CES1: variants seen among roughly 807,000 people sequenced by gnomAD.
The protein encoded by CES1 is carboxylesterase 1.
Under a neutral mutation model 53.0 loss-of-function variants are expected in CES1, and 50 were observed. That is an observed-to-expected ratio of 0.94 (90% CI 0.75 to 1.19). The LOEUF (loss-of-function observed/expected upper bound fraction) is 1.19, where lower values mean the gene tolerates loss of function less well. CES1 is among the 50% of genes most tolerant of loss of function. The pLI is 0.00. For missense variants in CES1, 534 were observed against 538.0 expected, an observed-to-expected ratio of 0.99 and a Z score of 0.07; for synonymous variants, 202 against 210.1, an observed-to-expected ratio of 0.96 and a Z score of 0.33.
At chr16:55,812,860 A>G in intron 9 of CES1, 43 bp downstream of exon 9, 2 of 1,612,768 alleles carry the variant, frequency 1.2e-6, no homozygotes, top group Non-Finnish European at 1.7e-6. Context: ...AGGAGGGCTG[A>G]TGGGGGTGGT....
Position 55,811,025 on chromosome 16 carries a change from A to AG in CES1, c.1087-16_1087-15insC. The AG allele has an allele frequency of 6.3e-7, 1 of 1,596,862 alleles. No individual in the cohort carries two copies. The highest frequency in any genetic ancestry group is 8.6e-7 in the Non-Finnish European group (1 of 1,165,086). Reference sequence around the variant, plus strand: ...CTCATCAACTGCTAAAAAAAAAAAAAAGTTCAGCATTTATGAATCATTGGG... The same window carrying AG: ...CTCATCAACTGCTAAAAAAAAAAAAAGAGTTCAGCATTTATGAATCATTGGG... On this transcript the variant is annotated splice_polypyrimidine_tract_variant and intron_variant, in intron 9 of 13. Transcript: ENST00000360526.
intron 6 of CES1, chr16:55,819,991 A>G (rs1009852928): frequency 1.9e-6 from 1 of 540,526 alleles, no homozygotes; most frequent in African/African-American, 1.9e-5. Context: ...TGTTCCACTT[A>G]CCAGCCATTA....
At chr16:55,817,375 T>C (rs554854857) in intron 7 of CES1, among the ~76,000 whole-genome samples, 4 of 152,296 alleles carry the variant, frequency 2.6e-5, no homozygotes, top group African/African-American at 4.8e-5. Flanking sequence ...CCTGAAGCCA[T>C]CAACTCCTGA....
In CES1 at chr16:55,833,089, G is replaced by C; in HGVS notation, c.-34C>G. On this transcript the variant is annotated 5_prime_UTR_variant, in exon 1 of 14. Transcript: ENST00000360526. ...GGCGACAGTTCTCGGGGCCTGCGAG[G>C]TCTCTGTGCAGTTCAGAGGGACTGT... is the stretch of plus-strand genomic sequence containing the variant. 1 of 1,534,174 alleles carries C rather than the reference G, an allele frequency of 6.5e-7. No individual in the cohort carries two copies. The highest frequency in any genetic ancestry group is 9.0e-7 in the Non-Finnish European group (1 of 1,113,472).
chr16:55,817,393 A>T (rs1280680985), intron 7 of CES1, among the ~76,000 whole-genome samples: 1 of 152,156 alleles, frequency 6.6e-6, no homozygotes, highest in Non-Finnish European at 1.5e-5. Flanking sequence ...TGAGATTTTC[A>T]GTTTACACGA....
intron 8 of CES1, 21 bp from the exon 9 acceptor site, chr16:55,813,064 C>G (rs777098769): frequency 5.6e-6 from 9 of 1,613,586 alleles, no homozygotes; most frequent in South Asian, 1.1e-5. Flanking sequence ...AGCAGTGCAG[C>G]ACCTGTGATT....
intron 8 of CES1, among the ~76,000 whole-genome samples, chr16:55,814,224 C>G (rs1445709540): frequency 2.0e-5 from 3 of 152,216 alleles, no homozygotes; most frequent in Non-Finnish European, 4.4e-5. Flanking sequence ...GTGATTAACT[C>G]ACAGTATATT....
chr16:55,819,470 C>G, intron 7 of CES1, 65 bp downstream of exon 7: 1 of 1,184,010 alleles, frequency 8.4e-7, no homozygotes, highest in South Asian at 1.2e-5. Context: ...GGCAAGAGGA[C>G]AGCTGAAATG....
chr16:55,826,275 G>T lies in CES1; in HGVS notation c.281C>A (p.Ala94Glu). 6.2e-7 allele frequency: 1 copy of T among 1,613,954 alleles called. No individual in the cohort carries two copies. Among genetic ancestry groups the T allele is most frequent in the Non-Finnish European group, 8.5e-7 (1 of 1,179,858 alleles). Reference sequence around the variant, plus strand: ...AAATAGCTCTGAGAGTAACTGCCCCGCCTTGGGATCTTGGGTGCACCTGGG... The same window carrying T: ...AAATAGCTCTGAGAGTAACTGCCCCTCCTTGGGATCTTGGGTGCACCTGGG... ...YPPMCTQDPK[A>E]GQLLSELFTN... The change falls in exon 3 of 14, where the codon GCG becomes GAG. Residue 94 changes from alanine (A) to glutamate (E), a missense_variant. Transcript: ENST00000360526.
chr16:55,818,745 T>C (rs1363691373), intron 7 of CES1, among the ~76,000 whole-genome samples: 5 of 151,912 alleles, frequency 3.3e-5, no homozygotes, highest in South Asian at 2.1e-4. Context: ...TTAGCATGGA[T>C]GGATGGATGG....
rs1359624144 is a variant in CES1, at chr16:55,820,384, C to T, written c.789G>A (p.Lys263=). Residue 263 remains lysine (K), a synonymous_variant, in exon 6 of 14, where the codon AAG becomes AAA. Coordinates refer to ENST00000360526, the MANE Select transcript of CES1 (RefSeq NM_001025195.2). ...TSVLVKKGDV[K]PLAEQIAITA... ...GCCGGAGACCTACCTCAGCCAAGGGCTTGACATCACCTTTCTTCACCAGAA... is the reference window on the plus strand; with the variant it reads ...GCCGGAGACCTACCTCAGCCAAGGGTTTGACATCACCTTTCTTCACCAGAA... The T allele has an allele frequency of 5.0e-6, 8 of 1,584,556 alleles. No homozygotes were observed. Among genetic ancestry groups the T allele is most frequent in the Non-Finnish European group, 6.9e-6 (8 of 1,158,670 alleles).
chr16:55,821,074 A>AGAGAG, intron 5 of CES1, among the ~76,000 whole-genome samples: 1 of 149,850 alleles, frequency 6.7e-6, no homozygotes, highest in South Asian at 2.1e-4. Flanking sequence ...GAGAGAGAGA[A>AGAGAG]AGAGAGAGAG....
At position 55,811,016 on chromosome 16, in the gene CES1, A is replaced by T. The variant is rs375953001; in HGVS notation, c.1087-6T>A. ...AGTGGATAGCTCATCAACTGCTAAAAAAAAAAAAAAGTTCAGCATTTATGA... is the reference window on the plus strand; with the variant it reads ...AGTGGATAGCTCATCAACTGCTAAATAAAAAAAAAAGTTCAGCATTTATGA... On this transcript the variant is annotated splice_region_variant and splice_polypyrimidine_tract_variant and intron_variant, in intron 9 of 13. Coordinates refer to ENST00000360526, the MANE Select transcript of CES1 (RefSeq NM_001025195.2). The T allele has an allele frequency of 6.6e-7, 1 of 1,520,220 alleles. No homozygotes were observed. Among genetic ancestry groups the T allele is most frequent in the South Asian group, 1.2e-5 (1 of 81,084 alleles). 94.2% of individuals were successfully genotyped at this position (1,520,220 alleles called of 1,614,324 possible). A position where few individuals can be genotyped will look rare whatever the true frequency, so the allele number is the denominator to read the frequency against.
intron 5 of CES1, 138 bp downstream of exon 5, chr16:55,821,230 T>C (rs1597080844): frequency 3.5e-6 from 4 of 1,150,348 alleles, no homozygotes; most frequent in East Asian, 2.4e-5. Context: ...TACCCCCTGA[T>C]GCTGGGCTGT....
intron 1 of CES1, among the ~76,000 whole-genome samples, chr16:55,830,722 A>AAAG (rs2032606976): frequency 7.2e-6 from 1 of 138,060 alleles, no homozygotes; most frequent in South Asian, 2.4e-4. Context: ...GGAAAGAAGG[A>AAAG]AAGGAAAGAT....
intron 8 of CES1, among the ~76,000 whole-genome samples, chr16:55,816,517 G>A (rs1316402023): frequency 6.6e-6 from 1 of 152,210 alleles, no homozygotes; most frequent in Non-Finnish European, 1.5e-5. Context: ...CTGTGTGCTG[G>A]GAGGAGACGA....
chr16:55,819,404 C>T, intron 7 of CES1, 131 bp downstream of exon 7: 2 of 758,136 alleles, frequency 2.6e-6, no homozygotes, highest in Non-Finnish European at 4.8e-6. Flanking sequence ...AAGGACAAAT[C>T]AGATTCCCCA....
At chr16:55,821,648 AC>A in intron 4 of CES1, 127 bp from the exon 5 acceptor site, 1 of 1,016,052 alleles carries the variant, frequency 9.8e-7, no homozygotes, top group South Asian at 1.4e-5. Flanking sequence ...CATCTCTGAG[AC>A]CCTGCTTTCA....
At chr16:55,814,100 G>T (rs1304965889) in intron 8 of CES1, among the ~76,000 whole-genome samples, 1 of 152,198 alleles carries the variant, frequency 6.6e-6, no homozygotes, top group African/African-American at 2.4e-5. Flanking sequence ...ATTTAAACAA[G>T]AGCTGTTATT....
Sources: gnomAD v4.1 joint callset for allele counts (sites outside exome capture counted in the v4.1 genomes callset) on GRCh38, gnomAD v4.1.1 for gene constraint, MANE v1.5 for transcripts, NCBI Gene and HGNC (gene_info 2026-07-23, HGNC 2026-07-21) for gene names.